Variants in MYH2 observed in about 807,000 individuals in gnomAD.
MYH2 encodes the protein myosin-2.
Under a neutral mutation model 228.1 loss-of-function variants are expected in MYH2, and 139 were observed. That is an observed-to-expected ratio of 0.61 (90% CI 0.53 to 0.70). The LOEUF is 0.70. Ranked by LOEUF, MYH2 falls within the 30% of genes least tolerant of loss-of-function variation. The pLI, the probability that MYH2 is intolerant of heterozygous loss-of-function variation, is 0.00. For missense variants in MYH2, 1,809 were observed against 2,357.5 expected, an observed-to-expected ratio of 0.77 and a Z score of 4.82; for synonymous variants, 796 against 871.1, an observed-to-expected ratio of 0.91 and a Z score of 1.52.
rs767363743 is a variant in MYH2 at position 10,529,501 on chromosome 17, A to T, written c.3118-20T>A. The T allele has an allele frequency of 1.2e-6, 2 of 1,614,078 alleles. No individual in the cohort carries two copies. Among genetic ancestry groups the T allele is most frequent in the Non-Finnish European group, 1.7e-6 (2 of 1,180,048 alleles). ...TTCAAGCTAAATATAAATTATGTTG[A>T]ATCAGAAGGAATGCTTATCTTCCTT... is the stretch of plus-strand genomic sequence containing the variant. On this transcript the variant is annotated intron_variant, in intron 24 of 39. Coordinates refer to ENST00000245503, the MANE Select transcript of MYH2 (RefSeq NM_017534.6).
At chr17:10,536,731 C>G in intron 16 of MYH2, 125 bp from the exon 17 acceptor site, 1 of 826,524 alleles carries the variant, frequency 1.2e-6, no homozygotes, top group Non-Finnish European at 2.0e-6. Flanking sequence ...CTGATTGAGC[C>G]TGAATGAATC....
intron 8 of MYH2, 145 bp downstream of exon 8, chr17:10,543,566 A>T: frequency 8.0e-7 from 1 of 1,249,140 alleles, no homozygotes; most frequent in Non-Finnish European, 1.1e-6. Context: ...TGGGGCTTTG[A>T]TCTATGTTAT....
rs747573496 is a variant in MYH2, at chr17:10,525,843, C to T, written c.4221G>A (p.Glu1407=). ...TGGCGTTCACAGCTTCTACATGTTC[C>T]TCAGCTGCCTGCAGCCGCTGGGCCA... ...KKLAQRLQAA[E]EHVEAVNAKC... The change falls in exon 31 of 40, where the codon GAG becomes GAA. Residue 1407 remains glutamate (E), a synonymous_variant. Transcript: ENST00000245503. This position sits in a 1 kb window ranked among gnomAD's most constrained non-coding sequence, Gnocchi z 4.2. 1.4e-5 allele frequency: 22 copies of T among 1,614,126 alleles called. No individual in the cohort carries two copies. Among genetic ancestry groups the T allele is most frequent in the Middle Eastern group, 3.3e-4 (2 of 6,062 alleles).
intron 14 of MYH2, 133 bp downstream of exon 14, chr17:10,539,072 C>T: frequency 6.6e-7 from 1 of 1,509,468 alleles, no homozygotes; most frequent in Non-Finnish European, 9.1e-7. Context: ...AATAACTGAC[C>T]AGTTACTCTC....
chr17:10,544,492 A>G (rs2073599807), intron 5 of MYH2, among the ~76,000 whole-genome samples: 1 of 152,218 alleles, frequency 6.6e-6, no homozygotes, highest in African/African-American at 2.4e-5. Context: ...ATAAACACCA[A>G]AAGTAGACTT....
intron 22 of MYH2, 132 bp downstream of exon 22, chr17:10,531,501 C>A (rs1033246321): frequency 7.9e-7 from 1 of 1,268,378 alleles, no homozygotes; most frequent in East Asian, 2.3e-5. Context: ...CCTTTTCGTG[C>A]CATTGGAGTG....
At chr17:10,535,446 C>G (rs1474838743) in intron 17 of MYH2, 81 bp from the exon 18 acceptor site, 2 of 1,214,284 alleles carry the variant, frequency 1.6e-6, no homozygotes, top group East Asian at 2.4e-5. Flanking sequence ...AAATCAATAT[C>G]TATAGCTGAG....
intron 10 of MYH2, among the ~76,000 whole-genome samples, chr17:10,541,762 C>G (rs2073558264): frequency 6.6e-6 from 1 of 152,110 alleles, no homozygotes; most frequent in African/African-American, 2.4e-5. Flanking sequence ...AAATTTCTCT[C>G]TTTTGTACTC....
Position 10,523,844 on chromosome 17 carries a change from T to A in MYH2, c.5216A>T (p.Asp1739Val), listed in dbSNP as rs775586737. The A allele has an allele frequency of 1.9e-6, 3 of 1,614,072 alleles. No homozygotes were observed. The highest frequency in any genetic ancestry group is 4.5e-5 in the East Asian group (2 of 44,884). ...CATCTCTCCTTGCATTTGGGAAATA[T>A]CTGTCTCCAGCTTCTTCTTGGTGTT... ...LINTKKKLET[D>V]ISQMQGEMED... The change falls in exon 36 of 40, where the codon GAT (aspartate) becomes GTT (valine). Residue 1739 changes from aspartate to valine, a missense_variant. By Grantham distance (152) the Asp-to-Val change is radical. This residue lies in a region of MYH2 where 278 missense variants were observed against 308.5 expected (regional missense o/e 0.90). Transcript: ENST00000245503.
In MYH2 at chr17:10,523,351, C is replaced by A. The variant is rs2073307594; in HGVS notation, c.5534G>T (p.Gly1845Val). Reference protein sequence around the residue: ...EQKRNAEAVKGLRKHERRVKE... With the variant: ...EQKRNAEAVKVLRKHERRVKE... ...CACTCGCCTCTCATGTTTGCGCAGA[C>A]CTTTGACAGCCTCAGCATTACGCTT... The change falls in exon 38 of 40, where the codon GGT becomes GTT. Residue 1845 changes from glycine to valine, a missense_variant. Transcript: ENST00000245503. The A allele has an allele frequency of 6.2e-7, 1 of 1,614,198 alleles. No homozygotes were observed. Among genetic ancestry groups the A allele is most frequent in the Non-Finnish European group, 8.5e-7 (1 of 1,180,044 alleles).
intron 5 of MYH2, among the ~76,000 whole-genome samples, chr17:10,544,943 A>G (rs1346459934): frequency 1.3e-5 from 2 of 152,100 alleles, no homozygotes; most frequent in Non-Finnish European, 2.9e-5. Context: ...CTACAGAGAC[A>G]AGTTTTACTC....
Position 10,539,962 on chromosome 17 carries a change from C to T in MYH2, c.1113G>A (p.Gln371=). 6.2e-7 allele frequency: 1 copy of T among 1,614,098 alleles called. No individual in the cohort carries two copies. The highest frequency in any genetic ancestry group is 8.5e-7 in the Non-Finnish European group (1 of 1,180,000). Residue 371 remains glutamine (Q), a synonymous_variant, in exon 12 of 40, where the codon CAG becomes CAA. Coordinates refer to ENST00000245503, the MANE Select transcript of MYH2 (RefSeq NM_017534.6). The part of the protein sequence containing the change: ...HYGNLKFKQK[Q]REEQAEPDGT... ...CATCTGGCTCTGCTTGCTCCTCACG[C>T]TGCTTTTGCTTAAATTTTAGGTTCC... is the stretch of plus-strand genomic sequence containing the variant.
At chr17:10,531,119 C>G (rs907236681) in intron 22 of MYH2, among the ~76,000 whole-genome samples, 3 of 152,282 alleles carry the variant, frequency 2.0e-5, no homozygotes. Context: ...TGATGGGACA[C>G]TGACTGTGGA....
intron 27 of MYH2, 149 bp downstream of exon 27, chr17:10,528,541 G>T: frequency 2.4e-6 from 3 of 1,258,340 alleles, no homozygotes; most frequent in African/African-American, 1.5e-5. Context: ...TTGTTAAGTT[G>T]AAATAATAAA....
At chr17:10,528,540 T>C in intron 27 of MYH2, 150 bp downstream of exon 27, 2 of 1,260,976 alleles carry the variant, frequency 1.6e-6, no homozygotes, top group African/African-American at 1.5e-5. Flanking sequence ...TTTGTTAAGT[T>C]GAAATAATAA....
At position 10,521,368 on chromosome 17, in the gene MYH2, T is replaced by C; in HGVS notation, c.5738A>G (p.Glu1913Gly). 6.2e-7 allele frequency: 1 copy of C among 1,614,148 alleles called. No individual in the cohort carries two copies. Among genetic ancestry groups the C allele is most frequent in the Non-Finnish European group, 8.5e-7 (1 of 1,180,024 alleles). ...GGACTCAGCAATGTCAGCCCGTTCC[T>C]CGGCCTCCTCCAGCTCATGCTGGAG... is the stretch of plus-strand genomic sequence containing the variant. ...RKLQHELEEAEERADIAESQV... is the reference protein window; with the variant it reads ...RKLQHELEEAGERADIAESQV... The change falls in exon 40 of 40, where the codon GAG becomes GGG. Residue 1913 changes from glutamate (E) to glycine (G), a missense_variant. Physicochemically the swap from Glu to Gly is moderately conservative, Grantham distance 98 (BLOSUM62 -2). Transcript: ENST00000245503.
chr17:10,528,653 A>T, intron 27 of MYH2, 37 bp downstream of exon 27: 1 of 1,613,802 alleles, frequency 6.2e-7, no homozygotes, highest in Non-Finnish European at 8.5e-7. Context: ...TCCATAATGC[A>T]TTATTTTCAA....
chr17:10,537,219 C>T lies in MYH2; in HGVS notation c.1897+14G>A. 1 of 1,614,044 alleles carries T rather than the reference C, an allele frequency of 6.2e-7. No individual in the cohort carries two copies. Among genetic ancestry groups the T allele is most frequent in the Non-Finnish European group, 8.5e-7 (1 of 1,179,888 alleles). ...TGTAATACCTAGAGAGTATTATTAA[C>T]ATTTGAGCATTACCTCCTTCAGCAG... On this transcript the variant is annotated intron_variant, in intron 16 of 39. Transcript: ENST00000245503. The surrounding 1 kb of genome is among the most constrained non-coding windows in gnomAD (Gnocchi z 4.0).
In MYH2 at chr17:10,524,101, T is replaced by C. The variant is rs749023420; in HGVS notation, c.5176-217A>G. 1.1e-4 allele frequency among the ~76,000 whole-genome samples: 17 copies of C among 152,220 alleles called. No homozygotes were observed. Among genetic ancestry groups the C allele is most frequent in the Non-Finnish European group, 2.4e-4 (16 of 68,040 alleles). On this transcript the variant is annotated intron_variant, in intron 35 of 39. Coordinates refer to ENST00000245503, the MANE Select transcript of MYH2 (RefSeq NM_017534.6). The surrounding 1 kb of genome is among the most constrained non-coding windows in gnomAD (Gnocchi z 4.7). ...GTGTATAGGTCACAAGCAGACCAAG[T>C]AGCTCTATAATTTTATAATTATCAT...
Sources: gnomAD v4.1 joint callset for allele counts (sites outside exome capture counted in the v4.1 genomes callset) on GRCh38, gnomAD v4.1.1 for gene constraint, gnomAD v4.1.1 regional missense constraint, Gnocchi (gnomAD v3.1) non-coding constraint, MANE v1.5 for transcripts, NCBI Gene and HGNC (gene_info 2026-07-23, HGNC 2026-07-21) for gene names.